Variants in AMBP observed in about 807,000 individuals in gnomAD.
The protein encoded by AMBP is protein AMBP.
AMBP carries 37 observed loss-of-function variants against 46.3 expected under a neutral mutation model. The observed-to-expected ratio is 0.80, with a 90% CI of 0.61 to 1.05. The LOEUF (loss-of-function observed/expected upper bound fraction) is 1.05, where lower values mean the gene tolerates loss of function less well. Ranked by LOEUF, AMBP falls within the 50% of genes least tolerant of loss-of-function variation. The pLI, the probability that AMBP is intolerant of heterozygous loss-of-function variation, is 0.00. For missense variants in AMBP, 475 were observed against 461.2 expected, an observed-to-expected ratio of 1.03 and a Z score of -0.27; for synonymous variants, 174 against 175.9, an observed-to-expected ratio of 0.99 and a Z score of 0.09.
intron 6 of AMBP, among the ~76,000 whole-genome samples, chr9:114,064,107 G>T (rs1403454080): frequency 6.6e-6 from 1 of 152,128 alleles, no homozygotes; most frequent in African/African-American, 2.4e-5. Context: ...GAGGGAAAAG[G>T]TTGTAACCCA....
chr9:114,074,820 G>GA, intron 3 of AMBP, 140 bp downstream of exon 3: 3 of 700,234 alleles, frequency 4.3e-6, no homozygotes, highest in Non-Finnish European at 7.5e-6. Context: ...GGAGGAGGAA[G>GA]AGGAGGAGTT....
At chr9:114,077,485 C>G (rs1392228013) in intron 1 of AMBP, 1 of 153,390 alleles carries the variant, frequency 6.5e-6, no homozygotes. Flanking sequence ...GAAGGCAGCT[C>G]TGGCACTCCA....
chr9:114,065,096 G>A (rs1480240941), intron 6 of AMBP, among the ~76,000 whole-genome samples: 1 of 152,178 alleles, frequency 6.6e-6, no homozygotes, highest in East Asian at 1.9e-4. Context: ...GGGATAATGA[G>A]CCCCATCCAG....
At chr9:114,070,623 T>G (rs1252498071) in intron 5 of AMBP, among the ~76,000 whole-genome samples, 2 of 152,144 alleles carry the variant, frequency 1.3e-5, no homozygotes, top group Non-Finnish European at 2.9e-5. Context: ...AGTGCTGCAC[T>G]TGCACACAGA....
rs973329080 is a variant in AMBP at position 114,061,666 on chromosome 9, C to T, written c.686-75G>A. 4.7e-5 allele frequency: 67 copies of T among 1,419,736 alleles called. No homozygotes were observed. In the Middle Eastern group the frequency reaches 2.3e-3, roughly 50 times the overall value. The allele number at this position is 1,419,736 out of a possible 1,614,324, so 87.9% of individuals were successfully genotyped here. On this transcript the variant is annotated intron_variant, in intron 7 of 9. Transcript: ENST00000265132. ...ATTATCAGGCTGGGCACTTGATATG[C>T]GCCATCTCATTTAATTTTCACTAAA... is the stretch of plus-strand genomic sequence containing the variant.
intron 2 of AMBP, 75 bp downstream of exon 2, chr9:114,076,523 C>T (rs546088371): frequency 7.2e-5 from 113 of 1,568,502 alleles, no homozygotes; most frequent in Non-Finnish European, 7.8e-5. Flanking sequence ...CTGCAACTTC[C>T]CAGGATGGAC....
In AMBP at chr9:114,078,276, C is replaced by T. The variant is rs1469739312; in HGVS notation, c.-67G>A. On this transcript the variant is annotated 5_prime_UTR_variant, in exon 1 of 10. Transcript: ENST00000265132. ...TCTAGCAACAGAAGGGCCACCGCCTCCCTGCAACAGGGCAGCTGTGAACTG... is the reference window on the plus strand; with the variant it reads ...TCTAGCAACAGAAGGGCCACCGCCTTCCTGCAACAGGGCAGCTGTGAACTG... The T allele has an allele frequency of 6.8e-7, 1 of 1,466,738 alleles. No homozygotes were observed. The highest frequency in any genetic ancestry group is 9.4e-7 in the Non-Finnish European group (1 of 1,059,306). The allele number at this position is 1,466,738 out of a possible 1,614,324, so 90.9% of individuals were successfully genotyped here.
Position 114,075,516 on chromosome 9 carries a change from G to A in AMBP, c.261-480C>T, listed in dbSNP as rs560763466. On this transcript the variant is annotated intron_variant, in intron 2 of 9. Coordinates refer to ENST00000265132, the MANE Select transcript of AMBP (RefSeq NM_001633.4). Reference sequence around the variant, plus strand: ...AGAACTTGGAGGAAGCACTATATACGAATTAGCTATTATTGTTACAATGAG... The same window carrying A: ...AGAACTTGGAGGAAGCACTATATACAAATTAGCTATTATTGTTACAATGAG... Among the ~76,000 whole-genome samples, 19 of 152,312 alleles carry A rather than the reference G, an allele frequency of 1.2e-4. No individual in the cohort carries two copies. In the South Asian group the frequency reaches 3.3e-3, roughly 27 times the overall value.
chr9:114,076,585 C>T lies in AMBP; in HGVS notation c.260+13G>A. On this transcript the variant is annotated intron_variant, in intron 2 of 9. Transcript: ENST00000265132. Reference sequence around the variant, plus strand: ...GGTCTCTCTCAGCTTTCCAGCCCCACCCTAGTGCTCACCGCCAACGAGTGC... The same window carrying T: ...GGTCTCTCTCAGCTTTCCAGCCCCATCCTAGTGCTCACCGCCAACGAGTGC... 1 of 1,612,638 alleles carries T rather than the reference C, an allele frequency of 6.2e-7. No homozygotes were observed. Among genetic ancestry groups the T allele is most frequent in the Non-Finnish European group, 8.5e-7 (1 of 1,179,708 alleles).
chr9:114,067,715 C>A (rs181592537), intron 6 of AMBP, among the ~76,000 whole-genome samples: 1 of 152,018 alleles, frequency 6.6e-6, no homozygotes. Flanking sequence ...TAGCAATAAT[C>A]GGCGCTTGAG....
At chr9:114,071,633 G>A (rs1310672269) in intron 5 of AMBP, among the ~76,000 whole-genome samples, 1 of 152,258 alleles carries the variant, frequency 6.6e-6, no homozygotes, top group East Asian at 1.9e-4. Flanking sequence ...AACCAGATGG[G>A]GAAGTTGGGG....
chr9:114,066,487 C>T (rs1363775823), intron 6 of AMBP, among the ~76,000 whole-genome samples: 3 of 151,820 alleles, frequency 2.0e-5, no homozygotes, highest in East Asian at 1.9e-4. Context: ...GCCTCAGCCC[C>T]GCAGAATGCT....
intron 6 of AMBP, among the ~76,000 whole-genome samples, chr9:114,065,715 A>C (rs1425468945): frequency 6.6e-6 from 1 of 151,954 alleles, no homozygotes; most frequent in Non-Finnish European, 1.5e-5. Flanking sequence ...ACACTAAAGT[A>C]GGATGGGGCT....
chr9:114,067,838 A>G (rs1846708977), intron 6 of AMBP, among the ~76,000 whole-genome samples: 1 of 152,194 alleles, frequency 6.6e-6, no homozygotes, highest in Non-Finnish European at 1.5e-5. Flanking sequence ...CTTCTCAAAC[A>G]TGGGAGAATT....
At position 114,061,696 on chromosome 9, in the gene AMBP, T is replaced by G. The variant is rs921768461; in HGVS notation, c.686-105A>C. 8 of 1,327,198 alleles carry G rather than the reference T, an allele frequency of 6.0e-6. No individual in the cohort carries two copies. In the Admixed American group the frequency reaches 1.9e-4, roughly 32 times the overall value. 82.2% of individuals were successfully genotyped at this position (1,327,198 alleles called of 1,614,324 possible). A position where few individuals can be genotyped will look rare whatever the true frequency, so the allele number is the denominator to read the frequency against. On this transcript the variant is annotated intron_variant, in intron 7 of 9. Transcript: ENST00000265132. ...TCTCATTTAATTTTCACTAAAAGGATTATCAATTCTTTTTAGATAAGCAAA... is the reference window on the plus strand; with the variant it reads ...TCTCATTTAATTTTCACTAAAAGGAGTATCAATTCTTTTTAGATAAGCAAA...
In AMBP at chr9:114,076,730, T is replaced by C. The variant is rs764581251; in HGVS notation, c.128A>G (p.Lys43Arg). The change falls in exon 2 of 10, where the codon AAG becomes AGG. Residue 43 changes from lysine (K) to arginine (R), a missense_variant. Lys to Arg is a conservative substitution (Grantham distance 26). Transcript: ENST00000265132. ...GGAACCGATGGCCAGGTTGTACCAC[T>C]TCCCATAGATCTAGGAGGCAGGTGA... The part of the protein sequence containing the change: ...ENFNISRIYG[K>R]WYNLAIGSTC... 3.1e-6 allele frequency: 5 copies of C among 1,614,006 alleles called. No individual in the cohort carries two copies. Among genetic ancestry groups the C allele is most frequent in the South Asian group, 2.2e-5 (2 of 91,060 alleles).
intron 6 of AMBP, among the ~76,000 whole-genome samples, chr9:114,063,183 GAA>G (rs397940037): frequency 6.9e-6 from 1 of 144,986 alleles, no homozygotes; most frequent in African/African-American, 2.5e-5. Flanking sequence ...GCTGCTTGCA[GAA>G]AAAAAAAAAA....
intron 9 of AMBP, 43 bp from the exon 10 acceptor site, chr9:114,060,313 A>T (rs1564370069): frequency 1.2e-6 from 2 of 1,608,446 alleles, no homozygotes; most frequent in South Asian, 2.2e-5. Flanking sequence ...GTAGGCAGGG[A>T]CACTCAGGGA....
intron 7 of AMBP, 84 bp downstream of exon 7, chr9:114,062,593 G>T: frequency 1.5e-6 from 2 of 1,366,088 alleles, no homozygotes; most frequent in Non-Finnish European, 1.0e-6. Flanking sequence ...AGACTGCACT[G>T]ATAAGAGTAG....
Sources: gnomAD v4.1 joint callset for allele counts (sites outside exome capture counted in the v4.1 genomes callset) on GRCh38, gnomAD v4.1.1 for gene constraint, MANE v1.5 for transcripts, NCBI Gene and HGNC (gene_info 2026-07-23, HGNC 2026-07-21) for gene names.